LRRC7: variants seen among roughly 807,000 people sequenced by gnomAD.
LRRC7 encodes the protein leucine-rich repeat-containing protein 7.
LRRC7 carries 23 observed loss-of-function variants against 175.7 expected under a neutral mutation model. The ratio of observed to expected loss-of-function variants is 0.13; its 90% CI spans 0.09 to 0.19. LRRC7 has a LOEUF of 0.19. LRRC7 is among the 10% of genes least tolerant of loss of function. LRRC7 has a pLI of 1.00. For synonymous variants in LRRC7, 685 were observed against 680.9 expected (o/e 1.01, Z -0.09); for missense variants, 1,354 against 1,904.7 (o/e 0.71, Z 5.38).
intron 2 of LRRC7, among the ~76,000 whole-genome samples, chr1:69,744,514 A>G (rs1356588686): frequency 2.0e-5 from 3 of 151,892 alleles, no homozygotes; most frequent in African/African-American, 7.2e-5. Context: ...ATATCTAGAA[A>G]ATGTGAAATA....
intron 26 of LRRC7, among the ~76,000 whole-genome samples, chr1:70,119,687 TATG>T (rs1400138684): frequency 6.6e-6 from 1 of 152,128 alleles, no homozygotes; most frequent in Non-Finnish European, 1.5e-5. Context: ...CGATGTCAAG[TATG>T]ATGATGAACA....
chr1:69,925,180 T>G (rs1316070792), intron 7 of LRRC7, among the ~76,000 whole-genome samples: 1 of 152,200 alleles, frequency 6.6e-6, no homozygotes, highest in Non-Finnish European at 1.5e-5. Context: ...AGCTTTTTGA[T>G]GTGCTGCTGG....
intron 4 of LRRC7, among the ~76,000 whole-genome samples, chr1:69,820,665 T>G (rs187660462): frequency 2.7e-3 from 409 of 152,256 alleles, no homozygotes; most frequent in African/African-American, 8.5e-3. Flanking sequence ...TCCAGCTTCA[T>G]CCATGTCCCT....
At chr1:69,878,526 C>A (rs1037502207) in intron 7 of LRRC7, among the ~76,000 whole-genome samples, 1 of 151,974 alleles carries the variant, frequency 6.6e-6, no homozygotes, top group African/African-American at 2.4e-5. Flanking sequence ...TCATTCAAGT[C>A]GTAAAAATTT....
chr1:69,947,032 C>T (rs968806801), intron 8 of LRRC7, among the ~76,000 whole-genome samples: 11 of 151,964 alleles, frequency 7.2e-5, no homozygotes, highest in Middle Eastern at 3.2e-3. Context: ...GAGCTGAGAT[C>T]GCACCACTGC....
In LRRC7 at chr1:69,577,661, C is replaced by G. The variant is rs767053712; in HGVS notation, c.2+9020C>G. Among the ~76,000 whole-genome samples, 41 of 152,168 alleles carry G rather than the reference C, an allele frequency of 2.7e-4. 1 individual carries two copies. The highest frequency in any genetic ancestry group is 3.7e-4 in the Non-Finnish European group (25 of 67,996). The stretch of plus-strand genomic sequence containing the variant: ...AATCCTTTCCCCATTGCTTGTTTTT[C>G]TCAGGTTTGTCAAAGATCAGATAGT... On this transcript the variant is annotated intron_variant, in intron 1 of 26. Coordinates refer to ENST00000651989, the MANE Select transcript of LRRC7 (RefSeq NM_001370785.2).
intron 1 of LRRC7, among the ~76,000 whole-genome samples, chr1:69,639,870 G>A (rs1036082470): frequency 5.9e-5 from 9 of 151,626 alleles, no homozygotes; most frequent in African/African-American, 1.4e-4. Flanking sequence ...AAAAAAAATC[G>A]GTTAATAATC....
chr1:69,796,025 T>C (rs1675713456), intron 4 of LRRC7, among the ~76,000 whole-genome samples: 1 of 151,806 alleles, frequency 6.6e-6, no homozygotes, highest in African/African-American at 2.4e-5. Flanking sequence ...TTTTGTTACA[T>C]ATGTATGCAT....
chr1:70,001,260 TAATGATGTTTGTAATGAG>T (rs1209824041), intron 11 of LRRC7, among the ~76,000 whole-genome samples: 1 of 152,102 alleles, frequency 6.6e-6, no homozygotes, highest in Non-Finnish European at 1.5e-5. Flanking sequence ...TATCAAACAT[TAATGATGTTTGTAATGAG>T]TATGGCTTCA....
intron 7 of LRRC7, among the ~76,000 whole-genome samples, chr1:69,892,406 T>TA (rs1353675488): frequency 6.6e-6 from 1 of 152,104 alleles, no homozygotes; most frequent in Non-Finnish European, 1.5e-5. Context: ...AGGCATGAGT[T>TA]AAAAACTCAA....
At chr1:69,826,128 A>T (rs1201368293) in intron 5 of LRRC7, among the ~76,000 whole-genome samples, 1 of 152,182 alleles carries the variant, frequency 6.6e-6, no homozygotes, top group Non-Finnish European at 1.5e-5. Flanking sequence ...AACAGTTATT[A>T]GTAATGGTCA....
At chr1:69,884,084 C>T (rs1471465008) in intron 7 of LRRC7, among the ~76,000 whole-genome samples, 1 of 73,852 alleles carries the variant, frequency 1.4e-5, no homozygotes, top group Non-Finnish European at 2.9e-5. Flanking sequence ...CTTAGGATTG[C>T]CTTGGCGATG....
At position 70,022,199 on chromosome 1, in the gene LRRC7, CAA is replaced by C. The variant is rs1458764040; in HGVS notation, c.1546-925_1546-924del. 3 of 152,168 alleles carry C rather than the reference CAA, an allele frequency of 2.0e-5. No individual in the cohort carries two copies. In the East Asian group the frequency reaches 5.8e-4, roughly 29 times the overall value. The allele number at this position is 152,168 out of a possible 1,614,324, so 9.4% of individuals were successfully genotyped here. On this transcript the variant is annotated intron_variant, in intron 16 of 26. Coordinates refer to ENST00000651989, the MANE Select transcript of LRRC7 (RefSeq NM_001370785.2). ...TAGTTGATTAGTGCTGTCTAACAAC[CAA>C]AGAGACATCTTTTTGAACTTGTGAA...
At chr1:69,760,541 T>G (rs1293619423) in intron 3 of LRRC7, 148 bp downstream of exon 3, 3 of 688,322 alleles carry the variant, frequency 4.4e-6, no homozygotes, top group African/African-American at 3.6e-5. Flanking sequence ...AATATTCTCA[T>G]TACCTTTTAA....
chr1:69,984,018 A>G (rs1360216067), intron 9 of LRRC7, among the ~76,000 whole-genome samples: 4 of 151,884 alleles, frequency 2.6e-5, no homozygotes, highest in Non-Finnish European at 5.9e-5. Flanking sequence ...CTCTGCCTCC[A>G]GGGTTCAACT....
Position 69,588,985 on chromosome 1 carries a change from C to CTGTGTGTGTGTGTGTGTG in LRRC7, c.2+20351_2+20368dup, listed in dbSNP as rs138325158. 7.6e-3 allele frequency among the ~76,000 whole-genome samples: 1,002 copies of CTGTGTGTGTGTGTGTGTG among 131,130 alleles called. 13 individuals carry two copies. Among genetic ancestry groups the CTGTGTGTGTGTGTGTGTG allele is most frequent in the African/African-American group, 0.022 (834 of 37,308 alleles). 86.0% of individuals were successfully genotyped at this position (131,130 alleles called of 152,430 possible). On this transcript the variant is annotated intron_variant, in intron 1 of 26. Transcript: ENST00000651989. ...TTGGTGCTGCTGCTCCTGCTGGGGT[C>CTGTGTGTGTGTGTGTGTG]TGTGTGTGTGTGTGTGTGTGTGTGC...
Position 70,128,970 on chromosome 1 carries a change from G to T in LRRC7, c.*7083G>T, listed in dbSNP as rs1666556607. Among the ~76,000 whole-genome samples, 1 of 152,138 alleles carries T rather than the reference G, an allele frequency of 6.6e-6. No individual in the cohort carries two copies. The highest frequency in any genetic ancestry group is 1.5e-5 in the Non-Finnish European group (1 of 68,022). On this transcript the variant is annotated 3_prime_UTR_variant, in exon 27 of 27. Transcript: ENST00000651989. ...CACATAAAGAGTGTCACGAAGCCGG[G>T]TGCGGTGACTTATGCCTGTAATCCC...
rs1687048914 is a variant in LRRC7 at position 69,885,155 on chromosome 1, C to A, written c.648-46352C>A. 1.9e-5 allele frequency among the ~76,000 whole-genome samples: 2 copies of A among 102,828 alleles called. 1 individual carries two copies. The highest frequency in any genetic ancestry group is 2.0e-4 in the Admixed American group (2 of 10,124). 67.5% of individuals were successfully genotyped at this position (102,828 alleles called of 152,430 possible). On this transcript the variant is annotated intron_variant, in intron 7 of 26. Transcript: ENST00000651989. Reference sequence around the variant, plus strand: ...TAAAATGAGTTAGGGAGGATTCCCTCTTTTTCTATTGATTGGAATAGTTTC... The same window carrying A: ...TAAAATGAGTTAGGGAGGATTCCCTATTTTTCTATTGATTGGAATAGTTTC...
chr1:69,694,049 T>G (rs1389375177), intron 2 of LRRC7, among the ~76,000 whole-genome samples: 3 of 152,160 alleles, frequency 2.0e-5, no homozygotes, highest in African/African-American at 7.2e-5. Context: ...TTCCTGGGTT[T>G]GATAATCCCA....
Sources: gnomAD v4.1 joint callset for allele counts (sites outside exome capture counted in the v4.1 genomes callset) on GRCh38, gnomAD v4.1.1 for gene constraint, MANE v1.5 for transcripts, NCBI Gene and HGNC (gene_info 2026-07-23, HGNC 2026-07-21) for gene names.